Variants in GRK5 observed in about 807,000 individuals in gnomAD.
The protein encoded by GRK5 is G protein-coupled receptor kinase 5, also known as g protein-coupled receptor kinase GRK5.
A neutral mutation model predicts 78.4 loss-of-function variants in GRK5; 40 were observed. The ratio of observed to expected loss-of-function variants is 0.51; its 90% CI spans 0.40 to 0.66. The LOEUF (loss-of-function observed/expected upper bound fraction) is 0.66, where lower values mean the gene tolerates loss of function less well. Among genes scored for constraint, GRK5 ranks in the 30% least tolerant of loss-of-function variants. The pLI is 0.00. For synonymous variants in GRK5, 289 were observed against 296.8 expected (o/e 0.97, Z 0.27); for missense variants, 598 against 759.9 (o/e 0.79, Z 2.50).
intron 1 of GRK5, among the ~76,000 whole-genome samples, chr10:119,291,265 G>A (rs1359266956): frequency 6.6e-6 from 1 of 152,108 alleles, no homozygotes; most frequent in Admixed American, 6.5e-5. Flanking sequence ...TTGGATTTGC[G>A]GTATCACCAA....
rs573904063 is a variant in GRK5 at position 119,336,695 on chromosome 10, G to T, written c.148+10084G>T. Among the ~76,000 whole-genome samples the T allele has an allele frequency of 6.6e-6, 1 of 152,280 alleles. No individual in the cohort carries two copies. Among genetic ancestry groups the T allele is most frequent in the African/African-American group, 2.4e-5 (1 of 41,562 alleles). On this transcript the variant is annotated intron_variant, in intron 2 of 15. Transcript: ENST00000392870. This position sits in a 1 kb window ranked among gnomAD's most constrained non-coding sequence, Gnocchi z 4.5. ...TGGCACGTGAGCTCTTGATTTCATC[G>T]TCAGGGAAACCAAGTCTCTGCAGAC...
chr10:119,375,033 C>G (rs915612479), intron 2 of GRK5, among the ~76,000 whole-genome samples: 1 of 152,212 alleles, frequency 6.6e-6, no homozygotes, highest in Non-Finnish European at 1.5e-5. Context: ...GCCTAATACA[C>G]TTGCTGGCCA....
At chr10:119,223,276 T>A (rs1848685655) in intron 1 of GRK5, among the ~76,000 whole-genome samples, 1 of 152,158 alleles carries the variant, frequency 6.6e-6, no homozygotes, top group Non-Finnish European at 1.5e-5. Context: ...TTGAATGACC[T>A]CATGTTAACT....
At chr10:119,281,672 G>A (rs967575207) in intron 1 of GRK5, among the ~76,000 whole-genome samples, 12 of 152,210 alleles carry the variant, frequency 7.9e-5, no homozygotes. Flanking sequence ...GGTTCCCGGG[G>A]TGGTGGTTGG....
At position 119,291,612 on chromosome 10, in the gene GRK5, CTCTTCT is replaced by C. The variant is rs532633095; in HGVS notation, c.53-34901_53-34896del. ...CCTCCTCCTCCTCCTCTTCCTCCTC[CTCTTCT>C]TCCTCCTCTTCCTCCTTCTCTTCTT... On this transcript the variant is annotated intron_variant, in intron 1 of 15. Transcript: ENST00000392870. Among the ~76,000 whole-genome samples, 317 of 137,410 alleles carry C rather than the reference CTCTTCT, an allele frequency of 2.3e-3. 1 individual carries two copies. Among genetic ancestry groups the C allele is most frequent in the Admixed American group, 5.5e-3 (72 of 13,192 alleles). 90.1% of individuals were successfully genotyped at this position (137,410 alleles called of 152,430 possible).
chr10:119,330,839 G>A lies in GRK5; in HGVS notation c.148+4228G>A, dbSNP rs138383004. 5.8e-3 allele frequency among the ~76,000 whole-genome samples: 878 copies of A among 152,252 alleles called. 12 individuals are homozygous for A. Among genetic ancestry groups the A allele is most frequent in the African/African-American group, 0.02 (820 of 41,554 alleles). ...AGTTAGAGACCAGCCTGGCCAACAC[G>A]GGGAAACCCTACCTCTACTAAAAAC... On this transcript the variant is annotated intron_variant, in intron 2 of 15. Coordinates refer to ENST00000392870, the MANE Select transcript of GRK5 (RefSeq NM_005308.3).
At chr10:119,316,851 C>T (rs1850495457) in intron 1 of GRK5, among the ~76,000 whole-genome samples, 1 of 152,144 alleles carries the variant, frequency 6.6e-6, no homozygotes, top group African/African-American at 2.4e-5. Context: ...AACCCAGTGT[C>T]TGGCCCCCCG....
chr10:119,410,567 C>T (rs1852320034), intron 4 of GRK5, among the ~76,000 whole-genome samples: 1 of 152,100 alleles, frequency 6.6e-6, no homozygotes, highest in African/African-American at 2.4e-5. Flanking sequence ...GCTTTGCAGC[C>T]CCAAGGCAAG....
At chr10:119,355,007 A>G (rs895513160) in intron 2 of GRK5, among the ~76,000 whole-genome samples, 1 of 152,206 alleles carries the variant, frequency 6.6e-6, no homozygotes, top group African/African-American at 2.4e-5. Context: ...GTATATTTGC[A>G]TATAACCAAT....
At chr10:119,395,687 C>T (rs1852038158) in intron 3 of GRK5, among the ~76,000 whole-genome samples, 2 of 152,154 alleles carry the variant, frequency 1.3e-5, no homozygotes, top group African/African-American at 2.4e-5. Flanking sequence ...CGAAGGAGCC[C>T]CTCTGGGATT....
chr10:119,304,131 A>G (rs1850232499), intron 1 of GRK5, among the ~76,000 whole-genome samples: 1 of 152,088 alleles, frequency 6.6e-6, no homozygotes, highest in Non-Finnish European at 1.5e-5. Flanking sequence ...ATGACTCAGC[A>G]CAAATCTAGA....
rs151103980 is a variant in GRK5, at chr10:119,297,406, G to T, written c.53-29110G>T. On this transcript the variant is annotated intron_variant, in intron 1 of 15. Transcript: ENST00000392870. ...AGCCTGCAGATGGGTGAAGAGTCTGGCCTCCCCACTGTACAGAGGTCAGAT... is the reference window on the plus strand; with the variant it reads ...AGCCTGCAGATGGGTGAAGAGTCTGTCCTCCCCACTGTACAGAGGTCAGAT... Among the ~76,000 whole-genome samples the T allele has an allele frequency of 7.2e-5, 11 of 152,260 alleles. No homozygotes were observed. In the East Asian group the frequency reaches 2.1e-3, roughly 29 times the overall value.
At chr10:119,276,455 G>A (rs899888911) in intron 1 of GRK5, among the ~76,000 whole-genome samples, 6 of 152,242 alleles carry the variant, frequency 3.9e-5, no homozygotes, top group East Asian at 1.9e-4. Flanking sequence ...GCTGCATAGT[G>A]TTCCATGGTG....
intron 3 of GRK5, among the ~76,000 whole-genome samples, chr10:119,389,785 C>A (rs1851857489): frequency 6.6e-6 from 1 of 150,604 alleles, no homozygotes; most frequent in African/African-American, 2.5e-5. Context: ...CCAGTCAGCA[C>A]CCAGAGATCA....
chr10:119,349,634 G>C (rs1264862379), intron 2 of GRK5, among the ~76,000 whole-genome samples: 1 of 152,218 alleles, frequency 6.6e-6, no homozygotes, highest in Non-Finnish European at 1.5e-5. Flanking sequence ...AGATGGTCTT[G>C]AGGGGTGGGC....
rs1002633376 is a variant in GRK5 at position 119,282,347 on chromosome 10, G to A, written c.53-44169G>A. Among the ~76,000 whole-genome samples the A allele has an allele frequency of 4.6e-5, 7 of 152,338 alleles. No homozygotes were observed. In the East Asian group the frequency reaches 1.3e-3, roughly 29 times the overall value. ...TGGAGCTCCAGACTGCAGCAGAGCT[G>A]TCTCTTGCTGGGATGGGAGACACTT... On this transcript the variant is annotated intron_variant, in intron 1 of 15. Coordinates refer to ENST00000392870, the MANE Select transcript of GRK5 (RefSeq NM_005308.3).
intron 1 of GRK5, among the ~76,000 whole-genome samples, chr10:119,288,031 GC>G (rs1849887149): frequency 6.6e-6 from 1 of 152,236 alleles, no homozygotes; most frequent in Non-Finnish European, 1.5e-5. Context: ...AGGTAGAACG[GC>G]CTGTGCCTGT....
At position 119,443,723 on chromosome 10, in the gene GRK5, TC is replaced by T; in HGVS notation, c.1239del (p.Glu414ArgfsTer38). ...ETEEVYSHKFSEEAKSICKML... is the reference protein window; with the variant it reads ...ETEEVYSHKFXEEAKSICKML... ...GGAGGAGGTGTACTCCCACAAGTTC[TC>T]CGAGGAGGCCAAGTCCATCTGCAAG... is the stretch of plus-strand genomic sequence containing the variant. On this transcript the variant is annotated frameshift_variant, in exon 12 of 16. Coordinates refer to ENST00000392870, the MANE Select transcript of GRK5 (RefSeq NM_005308.3). LOFTEE classifies it high-confidence loss of function. The T allele has an allele frequency of 6.2e-7, 1 of 1,607,344 alleles. No homozygotes were observed. Among genetic ancestry groups the T allele is most frequent in the Non-Finnish European group, 8.5e-7 (1 of 1,174,956 alleles).
intron 1 of GRK5, among the ~76,000 whole-genome samples, chr10:119,284,151 C>T (rs1349180743): frequency 6.6e-6 from 1 of 152,022 alleles, no homozygotes; most frequent in Non-Finnish European, 1.5e-5. Context: ...ACTGTCTAGG[C>T]CAGCGCTGTC....
Sources: allele counts gnomAD v4.1 joint callset (sites outside exome capture counted in the v4.1 genomes callset), GRCh38; gene constraint gnomAD v4.1.1; non-coding constraint Gnocchi (gnomAD v3.1); transcripts MANE v1.5; gene names NCBI Gene and HGNC (gene_info 2026-07-23, HGNC 2026-07-21).